The following FNIP1 variants were observed in gnomAD, a reference collection of about 807,000 sequenced individuals.
The protein encoded by FNIP1 is folliculin interacting protein 1.
A neutral mutation model predicts 124.5 loss-of-function variants in FNIP1; 40 were observed. The ratio of observed to expected loss-of-function variants is 0.32; its 90% CI spans 0.25 to 0.42. The LOEUF (loss-of-function observed/expected upper bound fraction) is 0.42. Ranked by LOEUF, FNIP1 falls within the 10% of genes least tolerant of loss-of-function variation. The probability of loss-of-function intolerance (pLI) is 1.00; values close to 1 mark genes in which losing one functional copy is unlikely to be tolerated. For missense variants in FNIP1, 1,176 were observed against 1,403.7 expected (o/e 0.84, Z 2.59); for synonymous variants, 472 against 470.6 (o/e 1.00, Z -0.04).
At chr5:131,785,146 C>CAT (rs1554100742) in intron 1 of FNIP1, among the ~76,000 whole-genome samples, 4 of 14,252 alleles carry the variant, frequency 2.8e-4, no homozygotes, top group African/African-American at 5.6e-4. Flanking sequence ...TATATATAGT[C>CAT]ATATATATGA....
In FNIP1 at chr5:131,642,274, T is replaced by C. The variant is rs1766738457; in HGVS notation, c.*2411A>G. On this transcript the variant is annotated 3_prime_UTR_variant, in exon 18 of 18. Coordinates refer to ENST00000510461, the MANE Select transcript of FNIP1 (RefSeq NM_133372.3). Reference sequence around the variant, plus strand: ...GCTTTGCGTAAGGAAAGAATGACTATGGTGAAGGTAATAGAAATTATAGAA... The same window carrying C: ...GCTTTGCGTAAGGAAAGAATGACTACGGTGAAGGTAATAGAAATTATAGAA... The C allele has an allele frequency of 6.5e-6, 1 of 152,752 alleles. No homozygotes were observed. Among genetic ancestry groups the C allele is most frequent in the African/African-American group, 2.4e-5 (1 of 41,510 alleles). The allele number at this position is 152,752 out of a possible 1,614,324, so 9.5% of individuals were successfully genotyped here.
intron 6 of FNIP1, among the ~76,000 whole-genome samples, chr5:131,712,329 A>G (rs1259728537): frequency 6.6e-6 from 1 of 151,682 alleles, no homozygotes; most frequent in Non-Finnish European, 1.5e-5. Flanking sequence ...ACTTAAACAC[A>G]ATCAATTCTC....
chr5:131,731,203 A>G (rs113647048), intron 2 of FNIP1, among the ~76,000 whole-genome samples, 165 bp from the exon 3 acceptor site: 7 of 152,278 alleles, frequency 4.6e-5, no homozygotes, highest in South Asian at 4.1e-4. Context: ...ACTATTTTCT[A>G]TTCTTTGTCT....
At chr5:131,751,358 T>A (rs1770866406) in intron 1 of FNIP1, among the ~76,000 whole-genome samples, 1 of 152,128 alleles carries the variant, frequency 6.6e-6, no homozygotes, top group Admixed American at 6.6e-5. Context: ...CCTTAGATTA[T>A]AAATCTAATA....
intron 1 of FNIP1, among the ~76,000 whole-genome samples, chr5:131,764,005 G>A (rs1014036183): frequency 3.3e-5 from 5 of 152,118 alleles, no homozygotes; most frequent in African/African-American, 1.2e-4. Context: ...GAATGGTTTA[G>A]CACCATCCCT....
At chr5:131,775,614 G>GC (rs1358688818) in intron 1 of FNIP1, among the ~76,000 whole-genome samples, 2 of 147,614 alleles carry the variant, frequency 1.4e-5, no homozygotes, top group African/African-American at 2.5e-5. Flanking sequence ...TGCAACCTCT[G>GC]CCCCCCGGGT....
intron 1 of FNIP1, among the ~76,000 whole-genome samples, chr5:131,786,313 T>C (rs1052218711): frequency 3.3e-5 from 5 of 152,164 alleles, no homozygotes; most frequent in Non-Finnish European, 7.3e-5. Context: ...GAACTTACAA[T>C]CTAGTGAAGT....
chr5:131,678,839 T>A (rs1417832769), intron 12 of FNIP1, among the ~76,000 whole-genome samples, 190 bp downstream of exon 12: 1 of 152,270 alleles, frequency 6.6e-6, no homozygotes, highest in Non-Finnish European at 1.5e-5. Context: ...ACAGACATTT[T>A]CACTGCTTTT....
intron 6 of FNIP1, among the ~76,000 whole-genome samples, chr5:131,713,603 T>G (rs1027146113): frequency 2.6e-5 from 4 of 152,234 alleles, no homozygotes; most frequent in African/African-American, 9.6e-5. Context: ...AACAATGGAT[T>G]TCTTCACTTG....
At chr5:131,726,421 T>C (rs1769871694) in intron 3 of FNIP1, among the ~76,000 whole-genome samples, 1 of 152,220 alleles carries the variant, frequency 6.6e-6, no homozygotes, top group African/African-American at 2.4e-5. Flanking sequence ...GGTTTAGTCT[T>C]GGGATGGTGT....
intron 1 of FNIP1, among the ~76,000 whole-genome samples, chr5:131,755,199 T>C (rs1413203660): frequency 6.6e-6 from 1 of 151,966 alleles, no homozygotes; most frequent in Non-Finnish European, 1.5e-5. Flanking sequence ...GGTGGGTGGA[T>C]CTCCTGAGAT....
chr5:131,735,508 A>ATATATACG (rs1252857167), intron 2 of FNIP1, among the ~76,000 whole-genome samples: 5 of 148,418 alleles, frequency 3.4e-5, no homozygotes, highest in African/African-American at 1.2e-4. Flanking sequence ...TAAAATATGT[A>ATATATACG]TATATACGTA....
chr5:131,713,258 G>A (rs1769358985), intron 6 of FNIP1, among the ~76,000 whole-genome samples: 1 of 152,070 alleles, frequency 6.6e-6, no homozygotes, highest in South Asian at 2.1e-4. Flanking sequence ...ATGTTAGCCA[G>A]GATGGTGTCA....
intron 11 of FNIP1, among the ~76,000 whole-genome samples, chr5:131,694,247 G>T (rs1282853991): frequency 6.6e-6 from 1 of 152,132 alleles, no homozygotes; most frequent in Non-Finnish European, 1.5e-5. Context: ...TTGAAAACAT[G>T]TCCACATAAA....
In FNIP1 at chr5:131,706,391, TGTTTAAA is replaced by T. The variant is rs753246220; in HGVS notation, c.914+13_914+19del. On this transcript the variant is annotated intron_variant, in intron 9 of 17. Coordinates refer to ENST00000510461, the MANE Select transcript of FNIP1 (RefSeq NM_133372.3). ...TAAGGAACTACTCAATCTTGTTCTG[TGTTTAAA>T]GTTCCAACTTACCATCTAGGAAATA... 8.7e-6 allele frequency: 14 copies of T among 1,600,400 alleles called. No homozygotes were observed. The South Asian group carries it at 1.2e-4, about 14-fold the overall frequency.
rs1766795805 is a variant in FNIP1 at position 131,644,003 on chromosome 5, T to A, written c.*682A>T. On this transcript the variant is annotated 3_prime_UTR_variant, in exon 18 of 18. Transcript: ENST00000510461. ...GTGTGTGAAACAGAAAAATCACCAA[T>A]AAGTAATATTTCAGCATTATAGACA... is the stretch of plus-strand genomic sequence containing the variant. 1 of 152,488 alleles carries A rather than the reference T, an allele frequency of 6.6e-6. No homozygotes were observed. Among genetic ancestry groups the A allele is most frequent in the Non-Finnish European group, 1.5e-5 (1 of 68,008 alleles). 9.4% of individuals were successfully genotyped at this position (152,488 alleles called of 1,614,324 possible).
At chr5:131,701,090 C>T (rs1461191419) in intron 10 of FNIP1, among the ~76,000 whole-genome samples, 2 of 152,140 alleles carry the variant, frequency 1.3e-5, no homozygotes, top group African/African-American at 4.8e-5. Context: ...CTGAGCGCTA[C>T]CTCCTGTCAC....
rs1348488089 is a variant in FNIP1, at chr5:131,693,266, A to G, written c.1202+5651T>C. ...ACAATTTTTACCTGTCAACTAAAAA[A>G]AAAAAAAGCATGGTAATAGCTAAAT... On this transcript the variant is annotated intron_variant, in intron 11 of 17. Transcript: ENST00000510461. Among the ~76,000 whole-genome samples the G allele has an allele frequency of 2.1e-5, 3 of 143,048 alleles. 1 individual carries two copies. The highest frequency in any genetic ancestry group is 7.7e-5 in the African/African-American group (3 of 39,194). 93.8% of individuals were successfully genotyped at this position (143,048 alleles called of 152,430 possible).
chr5:131,783,349 T>C (rs941626603), intron 1 of FNIP1, among the ~76,000 whole-genome samples: 1 of 150,570 alleles, frequency 6.6e-6, no homozygotes, highest in African/African-American at 2.4e-5. Flanking sequence ...AAAAACATGA[T>C]AACTGACATA....
Sources: gnomAD v4.1 joint callset for allele counts (sites outside exome capture counted in the v4.1 genomes callset) on GRCh38, gnomAD v4.1.1 for gene constraint, MANE v1.5 for transcripts, NCBI Gene and HGNC (gene_info 2026-07-23, HGNC 2026-07-21) for gene names.